WDTC1: variants seen among roughly 807,000 people sequenced by gnomAD.
WDTC1 encodes the protein WD and tetratricopeptide repeats protein 1.
A neutral mutation model predicts 76.0 loss-of-function variants in WDTC1; 12 were observed. The observed-to-expected ratio is 0.16, with a 90% CI of 0.10 to 0.26. The LOEUF is 0.26. Ranked by LOEUF, WDTC1 falls within the 10% of genes least tolerant of loss-of-function variation. The pLI, the probability that WDTC1 is intolerant of heterozygous loss-of-function variation, is 1.00. For synonymous variants in WDTC1, 326 were observed against 350.8 expected, an observed-to-expected ratio of 0.93 and a Z score of 0.79; for missense variants, 511 against 908.8, an observed-to-expected ratio of 0.56 and a Z score of 5.63.
chr1:27,296,323 T>G lies in WDTC1; in HGVS notation c.874-3T>G. On this transcript the variant is annotated splice_polypyrimidine_tract_variant and splice_region_variant and intron_variant, in intron 9 of 15. Coordinates refer to ENST00000319394, the MANE Select transcript of WDTC1 (RefSeq NM_001276252.2). ...TCTCTTTTTTTGCCCCCCTCAACTC[T>G]AGGTCTATTTGTTTGACTTGACTTA... 1.2e-6 allele frequency: 2 copies of G among 1,614,076 alleles called. No individual in the cohort carries two copies. Among genetic ancestry groups the G allele is most frequent in the Non-Finnish European group, 1.7e-6 (2 of 1,180,012 alleles).
intron 5 of WDTC1, among the ~76,000 whole-genome samples, chr1:27,286,067 G>A (rs1278980525): frequency 7.8e-6 from 1 of 127,830 alleles, no homozygotes; most frequent in Non-Finnish European, 1.6e-5. Context: ...GTGCAGTGAT[G>A]CCATCTCAGC....
chr1:27,299,542 A>G (rs1012894181), intron 12 of WDTC1, among the ~76,000 whole-genome samples: 4 of 150,620 alleles, frequency 2.7e-5, no homozygotes, highest in African/African-American at 9.7e-5. Flanking sequence ...GAACAAAGGC[A>G]TGGGGGTGGG....
chr1:27,264,485 C>T (rs1360309228), intron 3 of WDTC1, among the ~76,000 whole-genome samples: 1 of 151,930 alleles, frequency 6.6e-6, no homozygotes, highest in Non-Finnish European at 1.5e-5. Context: ...AACCAGAACG[C>T]TTGTTCAAGT....
At chr1:27,257,501 ACTG>A (rs769635528) in intron 1 of WDTC1, among the ~76,000 whole-genome samples, 1 of 152,076 alleles carries the variant, frequency 6.6e-6, no homozygotes, top group African/African-American at 2.4e-5. Flanking sequence ...TGGGGAAATT[ACTG>A]TTGTTGTTTG....
chr1:27,239,404 C>T (rs928955408), intron 1 of WDTC1, among the ~76,000 whole-genome samples: 1 of 150,876 alleles, frequency 6.6e-6, no homozygotes, highest in Non-Finnish European at 1.5e-5. Flanking sequence ...TGCCTGTATT[C>T]CCATCTACCC....
chr1:27,245,251 A>C (rs2011787906), intron 1 of WDTC1, among the ~76,000 whole-genome samples: 1 of 151,830 alleles, frequency 6.6e-6, no homozygotes, highest in African/African-American at 2.4e-5. Flanking sequence ...GCAAAGTTCA[A>C]ATTAAAAGCT....
intron 1 of WDTC1, among the ~76,000 whole-genome samples, chr1:27,259,323 CTTTTTTTT>C (rs57081638): frequency 1.9e-5 from 2 of 106,332 alleles, no homozygotes; most frequent in African/African-American, 3.7e-5. Flanking sequence ...CCATGCCCAA[CTTTTTTTT>C]TTTTTTTTTT....
chr1:27,261,225 G>T lies in WDTC1; in HGVS notation c.48+123G>T, dbSNP rs2012467789. 4 of 1,025,818 alleles carry T rather than the reference G, an allele frequency of 3.9e-6. No individual in the cohort carries two copies. The East Asian group carries it at 7.7e-5, about 20-fold the overall frequency. The allele number at this position is 1,025,818 out of a possible 1,614,324, so 63.5% of individuals were successfully genotyped here. A position where few individuals can be genotyped will look rare whatever the true frequency, so the allele number is the denominator to read the frequency against. ...GCCTAAAGTCACGTAGCTAGTTAGTGGCAGACCCAGGACTAGAATCAAGGT... is the reference window on the plus strand; with the variant it reads ...GCCTAAAGTCACGTAGCTAGTTAGTTGCAGACCCAGGACTAGAATCAAGGT... On this transcript the variant is annotated intron_variant, in intron 2 of 15. Transcript: ENST00000319394.
At position 27,295,746 on chromosome 1, in the gene WDTC1, A is replaced by C. The variant is rs140361461; in HGVS notation, c.874-580A>C. Among the ~76,000 whole-genome samples, 40 of 151,628 alleles carry C rather than the reference A, an allele frequency of 2.6e-4. 1 individual carries two copies. The East Asian group carries it at 7.8e-3, about 30-fold the overall frequency. On this transcript the variant is annotated intron_variant, in intron 9 of 15. Coordinates refer to ENST00000319394, the MANE Select transcript of WDTC1 (RefSeq NM_001276252.2). ...TGGGATTACAGGCATTAACCACTGC[A>C]CCTGACCTTCTATTTTGTTTGTTTG...
intron 1 of WDTC1, among the ~76,000 whole-genome samples, chr1:27,255,025 G>A (rs1307338519): frequency 6.6e-6 from 1 of 151,600 alleles, no homozygotes; most frequent in Admixed American, 6.6e-5. Context: ...TGCTTGTCTG[G>A]TTTCTCTTTT....
chr1:27,298,209 C>A, intron 12 of WDTC1, 98 bp downstream of exon 12: 2 of 1,431,084 alleles, frequency 1.4e-6, no homozygotes, highest in Non-Finnish European at 1.9e-6. Context: ...CCAAGGCATC[C>A]AGGGAAAGTG....
chr1:27,295,453 T>C (rs1362033581), intron 9 of WDTC1, among the ~76,000 whole-genome samples: 1 of 151,958 alleles, frequency 6.6e-6, no homozygotes, highest in African/African-American at 2.4e-5. Flanking sequence ...TGTGACGTGT[T>C]TTTTGTTTTT....
At chr1:27,263,316 A>C (rs2012544269) in intron 3 of WDTC1, 81 bp downstream of exon 3, 1 of 1,393,400 alleles carries the variant, frequency 7.2e-7, no homozygotes, top group Non-Finnish European at 9.8e-7. Flanking sequence ...GGCCTTATCA[A>C]GGCATAAACA....
At position 27,302,461 on chromosome 1, in the gene WDTC1, G is replaced by A. The variant is rs574635535; in HGVS notation, c.1468+1000G>A. On this transcript the variant is annotated intron_variant, in intron 13 of 15. Coordinates refer to ENST00000319394, the MANE Select transcript of WDTC1 (RefSeq NM_001276252.2). ...ACAAAATATAGCTGTGTGGCCTAGC[G>A]CGGTGGCTCACGCTTATAATCCCAG... is the stretch of plus-strand genomic sequence containing the variant. Among the ~76,000 whole-genome samples the A allele has an allele frequency of 2.0e-3, 312 of 152,238 alleles. 1 individual carries two copies. The highest frequency in any genetic ancestry group is 3.4e-3 in the Non-Finnish European group (233 of 68,004).
intron 1 of WDTC1, among the ~76,000 whole-genome samples, chr1:27,258,545 A>G (rs1394309925): frequency 2.4e-5 from 3 of 124,688 alleles, no homozygotes; most frequent in Non-Finnish European, 3.6e-5. Context: ...AAAAAAAGAA[A>G]AAAAAAGAAA....
intron 1 of WDTC1, among the ~76,000 whole-genome samples, chr1:27,235,186 G>A (rs566470520): frequency 4.5e-4 from 69 of 152,242 alleles, no homozygotes; most frequent in Non-Finnish European, 8.1e-4. Flanking sequence ...GGACGCGGGG[G>A]GAGGCTGTGG....
At chr1:27,269,268 G>A (rs2012779131) in intron 3 of WDTC1, among the ~76,000 whole-genome samples, 1 of 149,250 alleles carries the variant, frequency 6.7e-6, no homozygotes, top group Non-Finnish European at 1.5e-5. Context: ...CTTGAGCCCA[G>A]GAGGTTGAAG....
At chr1:27,286,619 G>A (rs960698091) in intron 5 of WDTC1, among the ~76,000 whole-genome samples, 15 of 150,910 alleles carry the variant, frequency 9.9e-5, no homozygotes, top group Non-Finnish European at 1.9e-4. Context: ...ACAGGCGCAC[G>A]CCCGGCTAAT....
At chr1:27,288,550 C>T (rs1034280947) in intron 6 of WDTC1, among the ~76,000 whole-genome samples, 2 of 151,736 alleles carry the variant, frequency 1.3e-5, no homozygotes, top group African/African-American at 2.4e-5. Flanking sequence ...GTGGTGATGA[C>T]TCTTAATGAG....
Sources: gnomAD v4.1 joint callset for allele counts (sites outside exome capture counted in the v4.1 genomes callset) on GRCh38, gnomAD v4.1.1 for gene constraint, MANE v1.5 for transcripts, NCBI Gene and HGNC (gene_info 2026-07-23, HGNC 2026-07-21) for gene names.